GRIA4: variants seen among roughly 807,000 people sequenced by gnomAD.
The protein encoded by GRIA4 is glutamate ionotropic receptor AMPA type subunit 4.
A neutral mutation model predicts 104.0 loss-of-function variants in GRIA4; 34 were observed. That is an observed-to-expected ratio of 0.33 (90% confidence interval 0.25 to 0.44). GRIA4 has a LOEUF of 0.44. Among genes scored for constraint, GRIA4 ranks in the 20% least tolerant of loss-of-function variants. The pLI is 1.00. For missense variants in GRIA4, 750 were observed against 1,096.5 expected, an observed-to-expected ratio of 0.68 and a Z score of 4.46; for synonymous variants, 386 against 381.9, an observed-to-expected ratio of 1.01 and a Z score of -0.13.
At chr11:105,902,234 C>T (rs548451535) in intron 7 of GRIA4, among the ~76,000 whole-genome samples, 9 of 152,160 alleles carry the variant, frequency 5.9e-5, no homozygotes, top group South Asian at 2.1e-4. Context: ...AGAATTAATG[C>T]TCCTTATTTT....
intron 3 of GRIA4, among the ~76,000 whole-genome samples, chr11:105,665,278 A>G (rs1952130382): frequency 6.6e-6 from 1 of 151,944 alleles, no homozygotes; most frequent in Non-Finnish European, 1.5e-5. Context: ...ATCCTTTTCA[A>G]TATTTAGGGG....
intron 3 of GRIA4, among the ~76,000 whole-genome samples, chr11:105,693,062 T>C (rs993503963): frequency 1.3e-5 from 2 of 152,236 alleles, no homozygotes; most frequent in African/African-American, 4.8e-5. Context: ...TTTGCACCGC[T>C]TTATGTTATT....
chr11:105,844,908 G>A (rs1247066921), intron 4 of GRIA4, among the ~76,000 whole-genome samples: 5 of 152,248 alleles, frequency 3.3e-5, no homozygotes, highest in African/African-American at 1.2e-4. Context: ...AACAGGAGCA[G>A]TATGGCACAG....
intron 3 of GRIA4, among the ~76,000 whole-genome samples, chr11:105,688,946 G>A (rs1460315264): frequency 1.3e-5 from 2 of 151,842 alleles, no homozygotes; most frequent in East Asian, 1.9e-4. Flanking sequence ...CATATAAGTT[G>A]ACACCTAAAA....
chr11:105,683,784 A>T (rs1361919584), intron 3 of GRIA4, among the ~76,000 whole-genome samples: 1 of 152,228 alleles, frequency 6.6e-6, no homozygotes, highest in East Asian at 1.9e-4. Flanking sequence ...TACCCTTATG[A>T]CAAAAGCAAA....
intron 10 of GRIA4, chr11:105,911,872 T>G: frequency 6.5e-7 from 1 of 1,548,020 alleles, no homozygotes; most frequent in Admixed American, 1.8e-5. Flanking sequence ...CCTCCTCTTT[T>G]CAGCCTCTGA....
chr11:105,912,877 A>G (rs1472867928), intron 10 of GRIA4: 91 of 980,984 alleles, frequency 9.3e-5, no homozygotes, highest in Non-Finnish European at 1.1e-4. Context: ...TTATCCCCAG[A>G]TTCAGCTGAA....
At chr11:105,700,643 GAT>G (rs1953455134) in intron 3 of GRIA4, among the ~76,000 whole-genome samples, 1 of 152,104 alleles carries the variant, frequency 6.6e-6, no homozygotes, top group African/African-American at 2.4e-5. Context: ...CAGAAATTGG[GAT>G]ATTATCTTTA....
intron 3 of GRIA4, among the ~76,000 whole-genome samples, chr11:105,721,560 T>C (rs1410778511): frequency 6.6e-6 from 1 of 152,192 alleles, no homozygotes; most frequent in Non-Finnish European, 1.5e-5. Context: ...TGATTTTACA[T>C]ATATTAATAG....
At chr11:105,846,884 G>C (rs1266103665) in intron 4 of GRIA4, among the ~76,000 whole-genome samples, 1 of 152,200 alleles carries the variant, frequency 6.6e-6, no homozygotes, top group Non-Finnish European at 1.5e-5. Context: ...CTCAATAAAA[G>C]TTGAAAGAGT....
Position 105,610,981 on chromosome 11 carries a change from G to A in GRIA4, c.-17G>A. ...GAGAAAGAGAGAGAGCGCGCGCCAG[G>A]GAGAGGAGAAAAGAAGATGAGGATT... On this transcript the variant is annotated 5_prime_UTR_variant, in exon 2 of 17. Transcript: ENST00000282499. 1 of 1,566,332 alleles carries A rather than the reference G, an allele frequency of 6.4e-7. No homozygotes were observed. Among genetic ancestry groups the A allele is most frequent in the South Asian group, 1.1e-5 (1 of 90,030 alleles).
intron 14 of GRIA4, among the ~76,000 whole-genome samples, chr11:105,950,769 A>C (rs1948436429): frequency 6.6e-6 from 1 of 152,188 alleles, no homozygotes; most frequent in African/African-American, 2.4e-5. Context: ...TTGCCATCTT[A>C]CAATGGCTTC....
intron 3 of GRIA4, among the ~76,000 whole-genome samples, chr11:105,740,717 G>C (rs1296760669): frequency 6.6e-6 from 1 of 152,190 alleles, no homozygotes; most frequent in Non-Finnish European, 1.5e-5. Flanking sequence ...GGACAGTTTT[G>C]TTGAGAAAAG....
chr11:105,809,234 A>G (rs1401825385), intron 4 of GRIA4, among the ~76,000 whole-genome samples: 1 of 152,144 alleles, frequency 6.6e-6, no homozygotes, highest in Non-Finnish European at 1.5e-5. Flanking sequence ...TTTCATAGCT[A>G]CATAATAGTT....
At chr11:105,928,348 G>T (rs1947777401) in intron 13 of GRIA4, among the ~76,000 whole-genome samples, 1 of 151,962 alleles carries the variant, frequency 6.6e-6, no homozygotes, top group Admixed American at 6.6e-5. Context: ...ACACTTAATA[G>T]ATTTTCTTAA....
intron 3 of GRIA4, among the ~76,000 whole-genome samples, chr11:105,659,929 T>C (rs1434016179): frequency 6.6e-6 from 1 of 151,734 alleles, no homozygotes; most frequent in African/African-American, 2.4e-5. Context: ...GTCATGATAA[T>C]GTGAATAATG....
At chr11:105,932,955 A>C (rs940265530) in intron 13 of GRIA4, among the ~76,000 whole-genome samples, 2 of 152,120 alleles carry the variant, frequency 1.3e-5, no homozygotes, top group Non-Finnish European at 2.9e-5. Context: ...AAATAAAATA[A>C]CAGCCAGACA....
intron 3 of GRIA4, among the ~76,000 whole-genome samples, chr11:105,616,954 G>C (rs182952150): frequency 9.9e-5 from 15 of 151,524 alleles, no homozygotes; most frequent in Non-Finnish European, 7.4e-5. Flanking sequence ...TTTCTTAAGT[G>C]ATAGGATGAT....
At chr11:105,783,091 A>G (rs1941800716) in intron 4 of GRIA4, among the ~76,000 whole-genome samples, 1 of 152,226 alleles carries the variant, frequency 6.6e-6, no homozygotes, top group Admixed American at 6.5e-5. Context: ...TTCTGAAACT[A>G]AATTTTATGT....
Sources: allele counts gnomAD v4.1 joint callset (sites outside exome capture counted in the v4.1 genomes callset), GRCh38; gene constraint gnomAD v4.1.1; transcripts MANE v1.5; gene names NCBI Gene and HGNC (gene_info 2026-07-23, HGNC 2026-07-21).